Variants in MTHFS observed in about 807,000 individuals in gnomAD.
The protein encoded by MTHFS is methenyltetrahydrofolate synthetase.
Under a neutral mutation model 12.7 loss-of-function variants are expected in MTHFS, and 7 were observed. The observed-to-expected ratio is 0.55, with a 90% CI of 0.31 to 1.03. The LOEUF (loss-of-function observed/expected upper bound fraction) is 1.03. Among genes scored for constraint, MTHFS ranks in the 50% least tolerant of loss-of-function variants. The pLI is 0.05. For missense variants in MTHFS, 252 were observed against 258.1 expected, an observed-to-expected ratio of 0.98 and a Z score of 0.16; for synonymous variants, 100 against 97.1, an observed-to-expected ratio of 1.03 and a Z score of -0.18.
intron 1 of MTHFS, 144 bp downstream of exon 1, chr15:79,896,728 C>G: frequency 1.1e-6 from 1 of 942,854 alleles, no homozygotes; most frequent in Non-Finnish European, 1.4e-6. Flanking sequence ...GTGCGCGCGC[C>G]GGGAGGGGAA....
At chr15:79,862,952 C>T (rs138814898) in intron 2 of MTHFS, among the ~76,000 whole-genome samples, 1 of 152,168 alleles carries the variant, frequency 6.6e-6, no homozygotes. Flanking sequence ...TATGTCCTGA[C>T]CTCCAGAGCT....
At chr15:79,851,442 T>A (rs879522322) in intron 2 of MTHFS, among the ~76,000 whole-genome samples, 7 of 152,202 alleles carry the variant, frequency 4.6e-5, no homozygotes, top group African/African-American at 9.7e-5. Context: ...CCTGACTATA[T>A]CCAAGGAGTG....
chr15:79,869,661 TG>T (rs1421951325), intron 2 of MTHFS, among the ~76,000 whole-genome samples: 3 of 152,186 alleles, frequency 2.0e-5, no homozygotes, highest in African/African-American at 7.2e-5. Context: ...CTTAAATTCC[TG>T]GGCTCAAATG....
chr15:79,864,214 G>T (rs549836543), intron 2 of MTHFS, among the ~76,000 whole-genome samples: 1 of 152,270 alleles, frequency 6.6e-6, no homozygotes, highest in South Asian at 2.1e-4. Context: ...ACAAAGGGTA[G>T]CTACTAATAA....
At chr15:79,892,903 A>G (rs1176756967) in intron 1 of MTHFS, among the ~76,000 whole-genome samples, 1 of 152,124 alleles carries the variant, frequency 6.6e-6, no homozygotes, top group Non-Finnish European at 1.5e-5. Context: ...GTGAGCCGAG[A>G]TTGGGCCACT....
rs547955590 is a variant in MTHFS, at chr15:79,872,874, G to A, written c.379+16219C>T. Among the ~76,000 whole-genome samples the A allele has an allele frequency of 1.6e-4, 25 of 152,232 alleles. 1 individual carries two copies. The highest frequency in any genetic ancestry group is 3.4e-3 in the Middle Eastern group (1 of 294). On this transcript the variant is annotated intron_variant, in intron 2 of 2. Transcript: ENST00000258874. ...ACATCCTGTTTTGGTCAGCAGTGTC[G>A]TGACCAAAAAGCAAGTCCTGCTGGT...
chr15:79,867,592 A>T (rs990767657), intron 2 of MTHFS, among the ~76,000 whole-genome samples: 1 of 152,076 alleles, frequency 6.6e-6, no homozygotes, highest in Non-Finnish European at 1.5e-5. Context: ...AAAAATAGAA[A>T]AAAATGTAAT....
At chr15:79,873,930 C>G (rs2034147188) in intron 2 of MTHFS, among the ~76,000 whole-genome samples, 1 of 152,202 alleles carries the variant, frequency 6.6e-6, no homozygotes, top group African/African-American at 2.4e-5. Flanking sequence ...CTGAGATAAA[C>G]TCTTCCTACA....
intron 2 of MTHFS, among the ~76,000 whole-genome samples, chr15:79,864,975 C>T (rs867266006): frequency 6.6e-6 from 1 of 152,098 alleles, no homozygotes; most frequent in Admixed American, 6.6e-5. Flanking sequence ...AAAAACACCC[C>T]AAAAAAATAA....
intron 1 of MTHFS, 138 bp from the exon 2 acceptor site, chr15:79,889,492 G>T: frequency 1.5e-6 from 2 of 1,303,902 alleles, no homozygotes; most frequent in Non-Finnish European, 1.0e-6. Context: ...GGACCAGAGT[G>T]ATATAGTGGG....
intron 2 of MTHFS, among the ~76,000 whole-genome samples, chr15:79,859,289 G>A (rs1197376993): frequency 6.6e-6 from 1 of 152,112 alleles, no homozygotes; most frequent in African/African-American, 2.4e-5. Context: ...AGAATAATGG[G>A]GCAGGACTCA....
intron 2 of MTHFS, among the ~76,000 whole-genome samples, chr15:79,865,687 G>T (rs2033997572): frequency 6.6e-6 from 1 of 152,128 alleles, no homozygotes; most frequent in Non-Finnish European, 1.5e-5. Flanking sequence ...GCAAAATGTG[G>T]GTATGGCCAT....
chr15:79,884,410 C>T (rs1424847299), intron 2 of MTHFS, among the ~76,000 whole-genome samples: 1 of 152,106 alleles, frequency 6.6e-6, no homozygotes, highest in East Asian at 1.9e-4. Flanking sequence ...CCATTGTTTG[C>T]CCAGGTACAC....
intron 2 of MTHFS, among the ~76,000 whole-genome samples, chr15:79,857,442 A>G (rs552100847): frequency 6.6e-6 from 1 of 152,150 alleles, no homozygotes; most frequent in Non-Finnish European, 1.5e-5. Context: ...CTGGTTCAGT[A>G]TATTTAACTA....
intron 2 of MTHFS, among the ~76,000 whole-genome samples, chr15:79,858,849 T>C (rs1380251766): frequency 6.6e-6 from 1 of 152,222 alleles, no homozygotes; most frequent in Non-Finnish European, 1.5e-5. Context: ...GAAAATAACT[T>C]TAAAATTACT....
intron 2 of MTHFS, chr15:79,877,624 C>T (rs527416111): frequency 1.3e-5 from 2 of 151,972 alleles, no homozygotes; most frequent in African/African-American, 2.4e-5. Context: ...TTGCTTGAAC[C>T]CGGGAGGCAG....
At chr15:79,866,155 G>T (rs1336625976) in intron 2 of MTHFS, among the ~76,000 whole-genome samples, 1 of 151,960 alleles carries the variant, frequency 6.6e-6, no homozygotes, top group African/African-American at 2.4e-5. Flanking sequence ...AACAAATCCA[G>T]CAGCAGGAAT....
chr15:79,885,769 T>C (rs918936052), intron 2 of MTHFS, among the ~76,000 whole-genome samples: 12 of 152,230 alleles, frequency 7.9e-5, no homozygotes, highest in Non-Finnish European at 1.8e-4. Flanking sequence ...AAGGATGCCA[T>C]GGAACCTAGA....
intron 1 of MTHFS, among the ~76,000 whole-genome samples, chr15:79,894,180 A>G (rs1448141604): frequency 6.6e-6 from 1 of 152,194 alleles, no homozygotes; most frequent in Non-Finnish European, 1.5e-5. Context: ...GTCGAGTTCG[A>G]GACCACCCTG....
Sources: allele counts gnomAD v4.1 joint callset (sites outside exome capture counted in the v4.1 genomes callset), GRCh38; gene constraint gnomAD v4.1.1; transcripts MANE v1.5; gene names NCBI Gene and HGNC (gene_info 2026-07-23, HGNC 2026-07-21).